Variants in CLASP1 observed in about 807,000 individuals in gnomAD.
CLASP1 encodes CLIP-associating protein 1.
CLASP1 carries 38 observed loss-of-function variants against 192.3 expected under a neutral mutation model. The observed-to-expected ratio is 0.20, with a 90% CI of 0.15 to 0.26. The LOEUF is 0.26. Among genes scored for constraint, CLASP1 ranks in the 10% least tolerant of loss-of-function variants. The pLI is 1.00. For synonymous variants in CLASP1, 691 were observed against 712.8 expected (o/e 0.97, Z 0.49); for missense variants, 1,433 against 1,932.5 (o/e 0.74, Z 4.85).
chr2:121,518,607 C>T (rs1296791220), intron 6 of CLASP1, among the ~76,000 whole-genome samples: 1 of 152,106 alleles, frequency 6.6e-6, no homozygotes, highest in African/African-American at 2.4e-5. Flanking sequence ...GTGGCTCATG[C>T]CTGTAATCCC....
chr2:121,440,179 G>A (rs916767262), intron 19 of CLASP1, among the ~76,000 whole-genome samples: 4 of 151,400 alleles, frequency 2.6e-5, no homozygotes, highest in Non-Finnish European at 5.9e-5. Flanking sequence ...GATCCTCTTG[G>A]TTTTGAACAT....
chr2:121,397,296 A>G lies in CLASP1; in HGVS notation c.2980-13T>C. ...TTGCAACTTTGACCTGAAAGAACCA[A>G]TAATTATAAACATTAAGTACACTTG... On this transcript the variant is annotated splice_polypyrimidine_tract_variant and intron_variant, in intron 29 of 39. Transcript: ENST00000263710. The G allele has an allele frequency of 6.2e-7, 1 of 1,610,534 alleles. No individual in the cohort carries two copies. The highest frequency in any genetic ancestry group is 1.3e-5 in the African/African-American group (1 of 75,004).
intron 1 of CLASP1, among the ~76,000 whole-genome samples, chr2:121,634,579 CT>C (rs1205913848): frequency 6.6e-6 from 1 of 152,186 alleles, no homozygotes; most frequent in Non-Finnish European, 1.5e-5. Flanking sequence ...AATACTGTCC[CT>C]TTGTCCAAAC....
intron 32 of CLASP1, among the ~76,000 whole-genome samples, chr2:121,383,763 C>T (rs968353799): frequency 1.3e-5 from 2 of 151,330 alleles, no homozygotes; most frequent in African/African-American, 4.9e-5. Context: ...TTTCATTTAC[C>T]GTAAAATCAT....
chr2:121,352,575 C>G (rs1455446248), intron 37 of CLASP1, among the ~76,000 whole-genome samples: 2 of 152,182 alleles, frequency 1.3e-5, no homozygotes, highest in Non-Finnish European at 2.9e-5. Flanking sequence ...GCACAGGAGA[C>G]AAACCTTAGT....
intron 2 of CLASP1, among the ~76,000 whole-genome samples, chr2:121,594,506 C>T (rs1456865303): frequency 2.0e-5 from 3 of 151,290 alleles, no homozygotes; most frequent in Non-Finnish European, 4.4e-5. Flanking sequence ...CATTCTCCTG[C>T]CTCAGCCTCC....
At chr2:121,626,776 A>T (rs895078448) in intron 1 of CLASP1, among the ~76,000 whole-genome samples, 1 of 152,168 alleles carries the variant, frequency 6.6e-6, no homozygotes, top group Non-Finnish European at 1.5e-5. Context: ...GGCTATTTTC[A>T]CCAAAATGCA....
At chr2:121,386,987 ACTAGAAC>A in intron 32 of CLASP1, 128 bp downstream of exon 33, 1 of 730,468 alleles carries the variant, frequency 1.4e-6, no homozygotes, top group East Asian at 2.7e-5. Context: ...TTGAGTGAGG[ACTAGAAC>A]CCACGGTTCT....
chr2:121,356,259 C>T (rs1407093883), intron 37 of CLASP1, among the ~76,000 whole-genome samples: 1 of 152,208 alleles, frequency 6.6e-6, no homozygotes, highest in Non-Finnish European at 1.5e-5. Flanking sequence ...TTTAGCGCCA[C>T]CTTCTGGGAA....
intron 1 of CLASP1, among the ~76,000 whole-genome samples, chr2:121,626,111 A>G (rs547939158): frequency 5.3e-5 from 8 of 152,052 alleles, no homozygotes; most frequent in Middle Eastern, 3.4e-3. Context: ...AAAAAAAAAA[A>G]AGAGAGAAGA....
intron 26 of CLASP1, 22 bp downstream of exon 27, chr2:121,404,349 G>A: frequency 6.2e-7 from 1 of 1,609,140 alleles, no homozygotes; most frequent in Non-Finnish European, 8.5e-7. Flanking sequence ...TAAAGACAGG[G>A]CAGGCATGAC....
chr2:121,551,096 T>C (rs1173138460), intron 2 of CLASP1, among the ~76,000 whole-genome samples: 1 of 152,220 alleles, frequency 6.6e-6, no homozygotes, highest in African/African-American at 2.4e-5. Context: ...ATTCATCATA[T>C]AAACAGAATT....
chr2:121,452,478 G>A (rs2085690076), intron 14 of CLASP1, among the ~76,000 whole-genome samples: 1 of 152,014 alleles, frequency 6.6e-6, no homozygotes, highest in Non-Finnish European at 1.5e-5. Flanking sequence ...TCACCACTTC[G>A]GGTTCTACCT....
chr2:121,556,101 A>C (rs1183443422), intron 2 of CLASP1, among the ~76,000 whole-genome samples: 2 of 142,854 alleles, frequency 1.4e-5, no homozygotes, highest in East Asian at 4.2e-4. Flanking sequence ...TCTCGGCCTC[A>C]GCCTTCCAAG....
At chr2:121,605,903 T>C (rs1163886883) in exon 2 of CLASP1, 3 of 1,612,358 alleles carry the variant, frequency 1.9e-6, no homozygotes, top group South Asian at 2.2e-5. Context: ...CATAGTGGAA[T>C]TCAAATCCAG....
chr2:121,648,866 C>G (rs945438550), intron 1 of CLASP1, among the ~76,000 whole-genome samples: 3 of 152,254 alleles, frequency 2.0e-5, no homozygotes, highest in Non-Finnish European at 4.4e-5. Flanking sequence ...TTGTCTGGCC[C>G]GGTTGGGAGC....
At chr2:121,585,135 C>T (rs78491357) in intron 2 of CLASP1, among the ~76,000 whole-genome samples, 10 of 152,268 alleles carry the variant, frequency 6.6e-5, no homozygotes, top group Non-Finnish European at 1.3e-4. Flanking sequence ...CAGCTAGTGA[C>T]GGAAGGTCTA....
chr2:121,340,308 G>A (rs1334195109), exon 40 of CLASP1: 1 of 152,388 alleles, frequency 6.6e-6, no homozygotes. Flanking sequence ...TTTGTTAAAA[G>A]GCCATCTTCA....
chr2:121,578,813 A>G (rs2060825476), intron 2 of CLASP1, among the ~76,000 whole-genome samples: 2 of 152,112 alleles, frequency 1.3e-5, no homozygotes, highest in African/African-American at 4.8e-5. Context: ...AAGCACAAGC[A>G]TTTGGAAGTG....
Sources: allele counts gnomAD v4.1 joint callset (sites outside exome capture counted in the v4.1 genomes callset), GRCh38; gene constraint gnomAD v4.1.1; transcripts MANE v1.5; gene names NCBI Gene and HGNC (gene_info 2026-07-23, HGNC 2026-07-21).